Variants in KLF8 observed in about 807,000 individuals in gnomAD.
KLF8 encodes the protein Krueppel-like factor 8.
A neutral mutation model predicts 18.2 loss-of-function variants in KLF8; 10 were observed. The observed-to-expected ratio is 0.55, with a 90% confidence interval of 0.34 to 0.93. The LOEUF (loss-of-function observed/expected upper bound fraction) is 0.93. KLF8 is among the 40% of genes least tolerant of loss of function. The pLI, the probability that KLF8 is intolerant of heterozygous loss-of-function variation, is 0.02. For missense variants in KLF8, 264 were observed against 277.9 expected, an observed-to-expected ratio of 0.95 and a Z score of 0.36; for synonymous variants, 109 against 97.3, an observed-to-expected ratio of 1.12 and a Z score of -0.71.
At chrX:55,967,111 C>G in the KLF8 span, among the ~76,000 whole-genome samples, 5 of 111,542 alleles carry the variant, frequency 4.5e-5, no homozygotes, top group African/African-American at 9.8e-5. Context: ...AGAACACCTA[C>G]AAGACCTGGA....
chrX:56,058,745 C>T, the KLF8 span, among the ~76,000 whole-genome samples: 3 of 111,225 alleles, frequency 2.7e-5, no homozygotes, highest in African/African-American at 9.8e-5. Context: ...TTTATCCAGT[C>T]TATCATTGAT....
At chrX:56,002,199 G>T in the KLF8 span, among the ~76,000 whole-genome samples, 1 of 111,671 alleles carries the variant, frequency 9.0e-6, no homozygotes, top group African/African-American at 3.3e-5. Flanking sequence ...ATTCCTTTAC[G>T]TATCAAAGCC....
chrX:56,078,886 C>G, the KLF8 span, among the ~76,000 whole-genome samples: 33 of 110,904 alleles, frequency 3.0e-4, no homozygotes, highest in Admixed American at 8.6e-4. Context: ...TGTATGTGTC[C>G]AGGAATTTAT....
the KLF8 span, among the ~76,000 whole-genome samples, chrX:56,077,624 G>A: frequency 8.9e-6 from 1 of 111,826 alleles, no homozygotes; most frequent in South Asian, 3.7e-4. Context: ...TGCCGATGCA[G>A]GCTCTTTTTT....
the KLF8 span, among the ~76,000 whole-genome samples, chrX:56,138,437 A>G: frequency 9.0e-6 from 1 of 111,644 alleles, no homozygotes. Flanking sequence ...AGCAAACCAA[A>G]TCCAGCAGCT....
the KLF8 span, among the ~76,000 whole-genome samples, chrX:56,209,148 A>G: frequency 9.0e-6 from 1 of 111,556 alleles, no homozygotes; most frequent in South Asian, 3.8e-4. Flanking sequence ...TGTTGGGTGC[A>G]AATGTATTTA....
chrX:56,120,041 A>T, the KLF8 span, among the ~76,000 whole-genome samples: 2 of 64,950 alleles, frequency 3.1e-5, no homozygotes, highest in South Asian at 1.7e-3. Context: ...GTATCTTTGG[A>T]AACTTTACTT....
chrX:56,145,723 G>A, the KLF8 span, among the ~76,000 whole-genome samples: 1 of 111,800 alleles, frequency 8.9e-6, no homozygotes, highest in Non-Finnish European at 1.9e-5. Context: ...TTGTGCACAT[G>A]TACCCTAAAA....
chrX:56,241,276 G>C (rs2066540997), intron 1 of KLF8, among the ~76,000 whole-genome samples: 1 of 111,242 alleles, frequency 9.0e-6, no homozygotes, highest in Admixed American at 9.6e-5. Context: ...AAAGTGACTC[G>C]TGCCTCAGCC....
chrX:56,152,620 G>A, the KLF8 span, among the ~76,000 whole-genome samples: 1 of 111,303 alleles, frequency 9.0e-6, no homozygotes, highest in African/African-American at 3.3e-5. Context: ...GAAGCTGTGT[G>A]GAAATAAGTG....
At chrX:56,005,816 T>G in the KLF8 span, among the ~76,000 whole-genome samples, 1 of 111,295 alleles carries the variant, frequency 9.0e-6, no homozygotes, top group African/African-American at 3.3e-5. Flanking sequence ...GCTGCAGTGG[T>G]GGAGAGGATG....
chrX:56,058,304 A>ATATATATG, the KLF8 span, among the ~76,000 whole-genome samples: 1 of 77,253 alleles, frequency 1.3e-5, no homozygotes, highest in African/African-American at 4.6e-5. Context: ...ATATATATAT[A>ATATATATG]TATATATATA....
At chrX:56,176,472 T>A in the KLF8 span, among the ~76,000 whole-genome samples, 3 of 111,918 alleles carry the variant, frequency 2.7e-5, no homozygotes, top group South Asian at 1.1e-3. Context: ...TGAGAGATCA[T>A]CTGTTTGTCT....
the KLF8 span, among the ~76,000 whole-genome samples, chrX:56,157,755 A>C: frequency 6.3e-5 from 7 of 110,894 alleles, no homozygotes; most frequent in African/African-American, 2.3e-4. Context: ...TTTTCTTGTA[A>C]ATTTGTTTGA....
the KLF8 span, among the ~76,000 whole-genome samples, chrX:56,006,401 C>T: frequency 8.9e-6 from 1 of 111,816 alleles, no homozygotes; most frequent in Non-Finnish European, 1.9e-5. Flanking sequence ...ATCATCTTCC[C>T]CCTTCATCCT....
the KLF8 span, among the ~76,000 whole-genome samples, chrX:56,017,017 A>G: frequency 9.0e-6 from 1 of 111,582 alleles, no homozygotes; most frequent in African/African-American, 3.3e-5. Context: ...GGGAGGTGCT[A>G]TATATCTATA....
the KLF8 span, among the ~76,000 whole-genome samples, chrX:55,923,099 G>A: frequency 9.0e-6 from 1 of 111,201 alleles, no homozygotes; most frequent in African/African-American, 3.3e-5. Flanking sequence ...ATGATAGACT[G>A]GATAAAGAAA....
the KLF8 span, among the ~76,000 whole-genome samples, chrX:56,018,498 T>A: frequency 9.0e-6 from 1 of 111,680 alleles, no homozygotes; most frequent in Non-Finnish European, 1.9e-5. Flanking sequence ...GAAAGAAGAA[T>A]GAAACTAGTC....
upstream of KLF8, among the ~76,000 whole-genome samples, chrX:56,231,312 G>A (rs1602398456): frequency 2.7e-5 from 3 of 111,881 alleles, no homozygotes; most frequent in Admixed American, 2.8e-4. Context: ...TATCAACTAA[G>A]TAAGTAGACC....
Sources: gnomAD v4.1 joint callset for allele counts (sites outside exome capture counted in the v4.1 genomes callset) on GRCh38, gnomAD v4.1.1 for gene constraint, MANE v1.5 for transcripts, NCBI Gene and HGNC (gene_info 2026-07-23, HGNC 2026-07-21) for gene names.